B3GLCT: variants seen among roughly 807,000 people sequenced by gnomAD.
The protein encoded by B3GLCT is beta-1,3-glucosyltransferase.
A neutral mutation model predicts 63.4 loss-of-function variants in B3GLCT; 65 were observed. The observed-to-expected ratio is 1.03, with a 90% CI of 0.84 to 1.26. B3GLCT has a LOEUF of 1.26. Among genes scored for constraint, B3GLCT ranks in the 50% most tolerant of loss-of-function variants. The pLI, the probability that B3GLCT is intolerant of heterozygous loss-of-function variation, is 0.00. For missense variants in B3GLCT, 577 were observed against 604.8 expected (o/e 0.95, Z 0.48); for synonymous variants, 233 against 219.2 (o/e 1.06, Z -0.55).
intron 1 of B3GLCT, among the ~76,000 whole-genome samples, chr13:31,208,230 T>C (rs1869065896): frequency 1.3e-5 from 2 of 152,136 alleles, no homozygotes; most frequent in Non-Finnish European, 2.9e-5. Flanking sequence ...GAGAGAGTTC[T>C]TTGAAAGGAT....
intron 1 of B3GLCT, among the ~76,000 whole-genome samples, chr13:31,213,018 TTG>T (rs547776947): frequency 7.1e-5 from 10 of 140,524 alleles, no homozygotes; most frequent in Non-Finnish European, 9.8e-5. Flanking sequence ...TGATTGGGCT[TTG>T]TGTGTGTGTG....
At chr13:31,246,702 C>T (rs983053972) in intron 4 of B3GLCT, among the ~76,000 whole-genome samples, 1 of 152,176 alleles carries the variant, frequency 6.6e-6, no homozygotes, top group Non-Finnish European at 1.5e-5. Flanking sequence ...CTTCAAGTCA[C>T]CTTCACAGAT....
intron 14 of B3GLCT, among the ~76,000 whole-genome samples, chr13:31,324,796 G>A (rs540656834): frequency 2.0e-5 from 3 of 152,168 alleles, no homozygotes; most frequent in South Asian, 4.1e-4. Context: ...ACTTGATCTC[G>A]TGGGTTCAAA....
intron 4 of B3GLCT, among the ~76,000 whole-genome samples, chr13:31,238,716 A>C (rs1413891171): frequency 6.6e-6 from 1 of 152,236 alleles, no homozygotes; most frequent in Non-Finnish European, 1.5e-5. Flanking sequence ...CTGAGGCAGG[A>C]GGATTGCTTG....
intron 9 of B3GLCT, 136 bp downstream of exon 9, chr13:31,274,764 G>A (rs538743326): frequency 3.6e-6 from 4 of 1,110,632 alleles, no homozygotes; most frequent in Admixed American, 3.8e-5. Flanking sequence ...GGTATATTGT[G>A]TGATGCTAAG....
At chr13:31,266,042 C>T (rs966516173) in intron 7 of B3GLCT, among the ~76,000 whole-genome samples, 1 of 152,062 alleles carries the variant, frequency 6.6e-6, no homozygotes, top group African/African-American at 2.4e-5. Context: ...CTCTGTCGCC[C>T]AGGCTGGAGT....
At chr13:31,214,733 A>G (rs1304653307) in intron 1 of B3GLCT, among the ~76,000 whole-genome samples, 1 of 152,238 alleles carries the variant, frequency 6.6e-6, no homozygotes, top group Non-Finnish European at 1.5e-5. Flanking sequence ...AAGGTTTCTA[A>G]GAAATAGTAT....
chr13:31,230,789 C>T (rs1870339436), intron 4 of B3GLCT, among the ~76,000 whole-genome samples: 1 of 152,054 alleles, frequency 6.6e-6, no homozygotes, highest in Admixed American at 6.6e-5. Flanking sequence ...GTGGGTGGAT[C>T]ATGAGGTTGA....
intron 4 of B3GLCT, among the ~76,000 whole-genome samples, chr13:31,229,784 C>G (rs1870285725): frequency 6.7e-6 from 1 of 148,916 alleles, no homozygotes; most frequent in African/African-American, 2.4e-5. Context: ...TTGGTTAATT[C>G]CTAATGCACA....
chr13:31,329,504 C>T lies in B3GLCT; in HGVS notation c.1333C>T (p.Arg445Trp), dbSNP rs541884125. 6.2e-6 allele frequency: 10 copies of T among 1,614,176 alleles called. No individual in the cohort carries two copies. Among genetic ancestry groups the T allele is most frequent in the East Asian group, 2.2e-5 (1 of 44,876 alleles). The change falls in exon 15 of 15, where the codon CGG becomes TGG. Residue 445 changes from arginine to tryptophan, a missense_variant. Coordinates refer to ENST00000343307, the MANE Select transcript of B3GLCT (RefSeq NM_194318.4). ...VTHSPLFHQA[R>W]PVDYPKDYLS... ...TAACTCTCTATTTTTCCTGCAGGCT[C>T]GGCCGGTGGATTACCCTAAGGACTA...
chr13:31,232,074 C>CT (rs1189243698), intron 4 of B3GLCT, among the ~76,000 whole-genome samples: 1 of 152,200 alleles, frequency 6.6e-6, no homozygotes, highest in Non-Finnish European at 1.5e-5. Context: ...ACCTCCATTG[C>CT]TTGTTACCTT....
At chr13:31,300,749 T>C (rs575198730) in intron 12 of B3GLCT, among the ~76,000 whole-genome samples, 22 of 152,312 alleles carry the variant, frequency 1.4e-4, no homozygotes, top group African/African-American at 5.1e-4. Context: ...TCTACAATAG[T>C]AACGTTATCT....
At chr13:31,287,631 GT>G (rs1809210841) in intron 12 of B3GLCT, among the ~76,000 whole-genome samples, 2 of 151,888 alleles carry the variant, frequency 1.3e-5, no homozygotes, top group African/African-American at 4.8e-5. Context: ...CCAATCAAAA[GT>G]TGCCAGGCAT....
chr13:31,214,484 C>T (rs975194048), intron 1 of B3GLCT, among the ~76,000 whole-genome samples: 1 of 152,050 alleles, frequency 6.6e-6, no homozygotes, highest in Non-Finnish European at 1.5e-5. Context: ...ATTTTAATTC[C>T]CCTCACTCTC....
chr13:31,326,805 C>CT (rs1468153962), intron 14 of B3GLCT, among the ~76,000 whole-genome samples: 1 of 152,146 alleles, frequency 6.6e-6, no homozygotes, highest in Non-Finnish European at 1.5e-5. Context: ...TTGTCTAATG[C>CT]TTTTCCATTA....
intron 13 of B3GLCT, among the ~76,000 whole-genome samples, chr13:31,321,738 G>A (rs998792844): frequency 6.6e-6 from 1 of 152,178 alleles, no homozygotes; most frequent in African/African-American, 2.4e-5. Context: ...GTTGTTTGGA[G>A]CATGAGACCT....
chr13:31,310,379 C>T (rs979542288), intron 12 of B3GLCT, among the ~76,000 whole-genome samples: 6 of 152,228 alleles, frequency 3.9e-5, no homozygotes, highest in Admixed American at 2.0e-4. Context: ...GGGACAAGAA[C>T]CTGGGACCCG....
At chr13:31,293,940 G>A (rs1277348851) in intron 12 of B3GLCT, among the ~76,000 whole-genome samples, 1 of 152,200 alleles carries the variant, frequency 6.6e-6, no homozygotes, top group Admixed American at 6.5e-5. Flanking sequence ...TGCAGTGGCT[G>A]GTACCGCTTT....
chr13:31,219,417 G>C (rs983211103), intron 2 of B3GLCT, among the ~76,000 whole-genome samples: 1 of 152,186 alleles, frequency 6.6e-6, no homozygotes, highest in African/African-American at 2.4e-5. Context: ...ACAGCCCTGT[G>C]CATTATGATG....
Sources: allele counts gnomAD v4.1 joint callset (sites outside exome capture counted in the v4.1 genomes callset), GRCh38; gene constraint gnomAD v4.1.1; transcripts MANE v1.5; gene names NCBI Gene and HGNC (gene_info 2026-07-23, HGNC 2026-07-21).